The following PTPRT variants were observed in gnomAD, a reference collection of about 807,000 sequenced individuals.
The protein encoded by PTPRT is receptor-type tyrosine-protein phosphatase T.
A neutral mutation model predicts 176.8 loss-of-function variants in PTPRT; 56 were observed. That is an observed-to-expected ratio of 0.32 (90% CI 0.26 to 0.40). The LOEUF (loss-of-function observed/expected upper bound fraction) is 0.40. Among genes scored for constraint, PTPRT ranks in the 10% least tolerant of loss-of-function variants. The pLI, the probability that PTPRT is intolerant of heterozygous loss-of-function variation, is 1.00. For synonymous variants in PTPRT, 783 were observed against 739.0 expected (o/e 1.06, Z -0.96); for missense variants, 1,540 against 1,908.2 (o/e 0.81, Z 3.60).
intron 16 of PTPRT, among the ~76,000 whole-genome samples, chr20:42,197,238 G>A (rs185173830): frequency 4.5e-4 from 69 of 151,934 alleles, no homozygotes; most frequent in African/African-American, 1.5e-3. Context: ...AATTAGCCAC[G>A]CGTGGTGGTG....
At chr20:43,049,273 C>T (rs1986957123) in intron 1 of PTPRT, among the ~76,000 whole-genome samples, 1 of 152,130 alleles carries the variant, frequency 6.6e-6, no homozygotes, top group African/African-American at 2.4e-5. Flanking sequence ...ATAAAGCAGA[C>T]CCAATTTATA....
intron 13 of PTPRT, among the ~76,000 whole-genome samples, chr20:42,256,775 A>G (rs1190976063): frequency 6.6e-6 from 1 of 152,172 alleles, no homozygotes; most frequent in African/African-American, 2.4e-5. Context: ...AGAGGGTGGT[A>G]GTATCAGGAA....
intron 1 of PTPRT, among the ~76,000 whole-genome samples, chr20:42,893,016 G>C (rs1469250174): frequency 6.6e-6 from 1 of 152,102 alleles, no homozygotes; most frequent in East Asian, 1.9e-4. Context: ...AGGGGAGTAA[G>C]AGCGAAGAAC....
intron 7 of PTPRT, among the ~76,000 whole-genome samples, chr20:42,649,648 C>T (rs1449405810): frequency 1.3e-5 from 2 of 152,134 alleles, no homozygotes; most frequent in African/African-American, 4.8e-5. Flanking sequence ...GTAATAACTC[C>T]CTCATCTCTG....
chr20:42,195,507 T>C (rs1010313124), intron 16 of PTPRT, among the ~76,000 whole-genome samples: 3 of 99,972 alleles, frequency 3.0e-5, no homozygotes, highest in Non-Finnish European at 6.1e-5. Flanking sequence ...ATCCCAGTGG[T>C]TCCACAGGGC....
rs75531980 is a variant in PTPRT at position 43,121,700 on chromosome 20, G to C, written c.88+67946C>G. ...TCTTGATTTATTCATGCCAAGACAA[G>C]AAGGAGTGGCAGAGAAAATAAAAAA... On this transcript the variant is annotated intron_variant, in intron 1 of 30. Transcript: ENST00000373187. Among the ~76,000 whole-genome samples, 631 of 152,252 alleles carry C rather than the reference G, an allele frequency of 4.1e-3. 2 individuals are homozygous for C. Among genetic ancestry groups the C allele is most frequent in the African/African-American group, 0.014 (583 of 41,548 alleles).
intron 6 of PTPRT, among the ~76,000 whole-genome samples, chr20:42,694,782 A>G (rs2075847877): frequency 1.4e-5 from 1 of 72,974 alleles, no homozygotes; most frequent in Admixed American, 1.7e-4. Flanking sequence ...ATAGCATGGA[A>G]CATCTTTTCA....
intron 9 of PTPRT, among the ~76,000 whole-genome samples, chr20:42,437,082 G>A (rs931294285): frequency 2.0e-5 from 3 of 152,310 alleles, no homozygotes; most frequent in South Asian, 2.1e-4. Context: ...ATGGGGAGAC[G>A]TAAGTGAGTA....
intron 1 of PTPRT, among the ~76,000 whole-genome samples, chr20:43,007,818 T>C (rs367605822): frequency 2.6e-5 from 4 of 152,240 alleles, no homozygotes; most frequent in East Asian, 1.9e-4. Flanking sequence ...TAGTTGTTGA[T>C]ACTTCAGGCA....
chr20:42,263,605 T>C (rs1012703764), intron 13 of PTPRT, among the ~76,000 whole-genome samples: 1 of 151,530 alleles, frequency 6.6e-6, no homozygotes, highest in Non-Finnish European at 1.5e-5. Context: ...GGTCTAGAAC[T>C]CCTGACCTCA....
intron 1 of PTPRT, among the ~76,000 whole-genome samples, chr20:42,959,866 C>T (rs967456192): frequency 6.6e-6 from 1 of 152,146 alleles, no homozygotes; most frequent in Non-Finnish European, 1.5e-5. Context: ...ACAGGAGACA[C>T]AGAAATAGCC....
At chr20:42,929,188 A>C (rs774278381) in intron 1 of PTPRT, among the ~76,000 whole-genome samples, 1 of 152,268 alleles carries the variant, frequency 6.6e-6, no homozygotes, top group Non-Finnish European at 1.5e-5. Flanking sequence ...CCTTACATGC[A>C]AGGATACTCA....
At chr20:42,189,816 A>C (rs1990926488) in intron 16 of PTPRT, among the ~76,000 whole-genome samples, 1 of 152,210 alleles carries the variant, frequency 6.6e-6, no homozygotes, top group African/African-American at 2.4e-5. Flanking sequence ...AGTTTGGATC[A>C]ATAACATCTA....
intron 7 of PTPRT, among the ~76,000 whole-genome samples, chr20:42,537,536 T>A (rs1380050218): frequency 2.0e-5 from 3 of 152,196 alleles, no homozygotes; most frequent in African/African-American, 7.2e-5. Context: ...ATTTTGCTGA[T>A]GATGAAAGTG....
chr20:42,784,309 C>T (rs1186850802), intron 3 of PTPRT, among the ~76,000 whole-genome samples: 2 of 152,246 alleles, frequency 1.3e-5, no homozygotes, highest in South Asian at 2.1e-4. Context: ...AGTTCTTGAG[C>T]AGAAAATCTG....
chr20:42,750,853 G>C (rs2076760080), intron 6 of PTPRT, among the ~76,000 whole-genome samples: 1 of 152,200 alleles, frequency 6.6e-6, no homozygotes, highest in Non-Finnish European at 1.5e-5. Context: ...AGCATTTGCT[G>C]AGCACTGGTC....
intron 13 of PTPRT, among the ~76,000 whole-genome samples, chr20:42,262,112 G>A (rs1461005551): frequency 6.6e-6 from 1 of 152,232 alleles, no homozygotes; most frequent in Non-Finnish European, 1.5e-5. Context: ...TGATTGTTGA[G>A]ATTCCAGCCA....
chr20:42,105,954 C>G (rs924047085), intron 24 of PTPRT, among the ~76,000 whole-genome samples: 1 of 152,130 alleles, frequency 6.6e-6, no homozygotes, highest in Non-Finnish European at 1.5e-5. Flanking sequence ...GAATGATAAG[C>G]CAAGGTACAG....
chr20:42,437,256 T>C (rs1012619246), intron 9 of PTPRT, among the ~76,000 whole-genome samples: 2 of 152,070 alleles, frequency 1.3e-5, no homozygotes, highest in Non-Finnish European at 1.5e-5. Context: ...AGGAGTGAGA[T>C]TAATCTCATT....
Sources: allele counts gnomAD v4.1 joint callset (sites outside exome capture counted in the v4.1 genomes callset), GRCh38; gene constraint gnomAD v4.1.1; transcripts MANE v1.5; gene names NCBI Gene and HGNC (gene_info 2026-07-23, HGNC 2026-07-21).